Variants in MSRA observed in about 807,000 individuals in gnomAD.
MSRA encodes mitochondrial peptide methionine sulfoxide reductase.
Under a neutral mutation model 31.3 loss-of-function variants are expected in MSRA, and 54 were observed. The ratio of observed to expected loss-of-function variants is 1.73; its 90% CI spans 1.39 to 2.17. The LOEUF is 2.17. MSRA is among the 30% of genes most tolerant of loss of function. The pLI is 0.00. For missense variants in MSRA, 507 were observed against 300.9 expected, an observed-to-expected ratio of 1.69 and a Z score of -5.07; for synonymous variants, 169 against 116.5, an observed-to-expected ratio of 1.45 and a Z score of -2.90.
chr8:10,119,040 G>A (rs890936865), intron 1 of MSRA, among the ~76,000 whole-genome samples: 1 of 152,170 alleles, frequency 6.6e-6, no homozygotes, highest in Admixed American at 6.5e-5. Flanking sequence ...CGCCTTCCCT[G>A]GGACGTGGAA....
chr8:10,061,731 G>A (rs976080990), intron 1 of MSRA, among the ~76,000 whole-genome samples: 1 of 152,220 alleles, frequency 6.6e-6, no homozygotes, highest in Non-Finnish European at 1.5e-5. Context: ...AGTTAACAGA[G>A]CTGCCCCATT....
chr8:10,419,628 G>A (rs191369553), intron 5 of MSRA, among the ~76,000 whole-genome samples: 14 of 152,174 alleles, frequency 9.2e-5, no homozygotes, highest in African/African-American at 2.9e-4. Context: ...TGTACCTGGT[G>A]CTTAAAACGC....
intron 1 of MSRA, among the ~76,000 whole-genome samples, chr8:10,112,123 T>G (rs1800335693): frequency 6.6e-6 from 1 of 152,168 alleles, no homozygotes; most frequent in Non-Finnish European, 1.5e-5. Flanking sequence ...GACACCCAAG[T>G]CCCAGCTTTT....
chr8:10,074,640 A>G (rs1408407667), intron 1 of MSRA, among the ~76,000 whole-genome samples: 1 of 151,944 alleles, frequency 6.6e-6, no homozygotes, highest in Admixed American at 6.6e-5. Flanking sequence ...TATTGATAAT[A>G]CACCCCTTCT....
chr8:10,236,171 T>C (rs964636572), intron 2 of MSRA, among the ~76,000 whole-genome samples: 3 of 152,204 alleles, frequency 2.0e-5, no homozygotes, highest in African/African-American at 7.2e-5. Flanking sequence ...AAATCTCATA[T>C]TTATTGGATC....
chr8:10,174,903 C>T (rs1805909222), intron 1 of MSRA, among the ~76,000 whole-genome samples: 1 of 152,170 alleles, frequency 6.6e-6, no homozygotes, highest in Non-Finnish European at 1.5e-5. Flanking sequence ...GATCTCATCT[C>T]CCCAGACAGG....
chr8:10,125,411 TGGAGAAGAAGAGG>T (rs796810131), intron 1 of MSRA, among the ~76,000 whole-genome samples: 23 of 152,204 alleles, frequency 1.5e-4, no homozygotes, highest in African/African-American at 5.5e-4. Context: ...GAGTTAGCTA[TGGAGAAGAAGAGG>T]GGAGAGAAGG....
At chr8:10,107,365 C>A (rs11990610) in intron 1 of MSRA, among the ~76,000 whole-genome samples, 4 of 151,674 alleles carry the variant, frequency 2.6e-5, no homozygotes, top group African/African-American at 4.8e-5. Context: ...TCCTTGTAAC[C>A]AAACCGATGA....
intron 5 of MSRA, among the ~76,000 whole-genome samples, chr8:10,423,421 G>A (rs1808932341): frequency 6.6e-6 from 1 of 150,848 alleles, no homozygotes; most frequent in African/African-American, 2.4e-5. Context: ...GATAGTGCAG[G>A]AAGGGGGCTC....
At chr8:10,200,197 T>C (rs1808374945) in intron 1 of MSRA, among the ~76,000 whole-genome samples, 1 of 152,158 alleles carries the variant, frequency 6.6e-6, no homozygotes, top group African/African-American at 2.4e-5. Context: ...CAGATGGTCG[T>C]GGAGGGCGGG....
intron 1 of MSRA, among the ~76,000 whole-genome samples, chr8:10,131,462 G>A (rs564653364): frequency 3.3e-5 from 5 of 152,352 alleles, no homozygotes; most frequent in South Asian, 4.1e-4. Context: ...AGTCCATGCC[G>A]GGGAGTGGCA....
At chr8:10,423,195 C>A (rs1400979144) in intron 5 of MSRA, among the ~76,000 whole-genome samples, 2 of 152,206 alleles carry the variant, frequency 1.3e-5, no homozygotes, top group East Asian at 3.9e-4. Flanking sequence ...TCCCCACCCT[C>A]TTCCTCCTCT....
chr8:10,350,009 G>A (rs981925254), intron 5 of MSRA, among the ~76,000 whole-genome samples: 3 of 152,248 alleles, frequency 2.0e-5, no homozygotes, highest in Non-Finnish European at 4.4e-5. Flanking sequence ...GGTTAAACAG[G>A]CCTCCCTGAG....
chr8:10,396,902 G>A (rs1807130241), intron 5 of MSRA, among the ~76,000 whole-genome samples: 2 of 152,182 alleles, frequency 1.3e-5, no homozygotes, highest in South Asian at 2.1e-4. Flanking sequence ...TGACATCTGT[G>A]CTCCAAGGCA....
intron 1 of MSRA, among the ~76,000 whole-genome samples, chr8:10,080,209 A>G (rs1263173608): frequency 6.6e-6 from 1 of 152,148 alleles, no homozygotes; most frequent in Non-Finnish European, 1.5e-5. Flanking sequence ...AGTCTAGGGG[A>G]AGTTACTCTG....
intron 1 of MSRA, among the ~76,000 whole-genome samples, chr8:10,085,015 T>C (rs1374486453): frequency 2.0e-5 from 3 of 152,176 alleles, no homozygotes; most frequent in Non-Finnish European, 4.4e-5. Context: ...TTAAAACATA[T>C]CAACTAAATC....
intron 2 of MSRA, among the ~76,000 whole-genome samples, chr8:10,208,725 C>T (rs139589556): frequency 6.6e-6 from 1 of 152,282 alleles, no homozygotes; most frequent in African/African-American, 2.4e-5. Context: ...CAGCTGCCTC[C>T]CTTGGTTCCT....
At chr8:10,243,695 G>A (rs888725760) in intron 2 of MSRA, among the ~76,000 whole-genome samples, 4 of 152,072 alleles carry the variant, frequency 2.6e-5, no homozygotes, top group African/African-American at 9.7e-5. Flanking sequence ...TACAGTAGTG[G>A]TTATTATCAC....
At chr8:10,282,931 GA>G (rs930215200) in intron 3 of MSRA, among the ~76,000 whole-genome samples, 2 of 151,966 alleles carry the variant, frequency 1.3e-5, no homozygotes, top group African/African-American at 4.8e-5. Flanking sequence ...CCTCCCTCCA[GA>G]AAAACCCCCC....
Sources: allele counts gnomAD v4.1 joint callset (sites outside exome capture counted in the v4.1 genomes callset), GRCh38; gene constraint gnomAD v4.1.1; transcripts MANE v1.5; gene names NCBI Gene and HGNC (gene_info 2026-07-23, HGNC 2026-07-21).